Variants in CDYL2 observed in about 807,000 individuals in gnomAD.
The protein encoded by CDYL2 is chromodomain Y like 2, also known as chromodomain Y-like protein 2.
CDYL2 carries 23 observed loss-of-function variants against 49.4 expected under a neutral mutation model. The ratio of observed to expected loss-of-function variants is 0.47; its 90% CI spans 0.34 to 0.66. The LOEUF is 0.66. Among genes scored for constraint, CDYL2 ranks in the 30% least tolerant of loss-of-function variants. CDYL2 has a pLI of 0.01. For missense variants in CDYL2, 678 were observed against 656.4 expected (o/e 1.03, Z -0.36); for synonymous variants, 360 against 268.8 (o/e 1.34, Z -3.32).
chr16:80,633,275 G>C lies in CDYL2; in HGVS notation c.617-39C>G, dbSNP rs150863126. 3.0e-5 allele frequency: 48 copies of C among 1,585,450 alleles called. No homozygotes were observed. In the African/African-American group the frequency reaches 6.5e-4, roughly 21 times the overall value. On this transcript the variant is annotated intron_variant, in intron 2 of 6. Coordinates refer to ENST00000570137, the MANE Select transcript of CDYL2 (RefSeq NM_152342.4). The stretch of plus-strand genomic sequence containing the variant: ...ATAAACAATGTAAGAAACTGAAATG[G>C]ACCACGATCCTAGAAGGATGTGATC...
At chr16:80,688,432 G>A (rs1423789266) in intron 1 of CDYL2, among the ~76,000 whole-genome samples, 2 of 152,122 alleles carry the variant, frequency 1.3e-5, no homozygotes, top group African/African-American at 4.8e-5. Context: ...AAGAAAAACT[G>A]AAAGAATTAA....
At chr16:80,730,607 C>G (rs911113494) in intron 1 of CDYL2, among the ~76,000 whole-genome samples, 2 of 152,004 alleles carry the variant, frequency 1.3e-5, no homozygotes, top group African/African-American at 4.8e-5. Flanking sequence ...TTTTATGAGG[C>G]CAGCATCATC....
chr16:80,664,135 T>C (rs1489546600), intron 2 of CDYL2, among the ~76,000 whole-genome samples: 5 of 152,200 alleles, frequency 3.3e-5, no homozygotes, highest in Admixed American at 3.3e-4. Flanking sequence ...GCAACTCCCC[T>C]GCTCAAAAGT....
chr16:80,698,236 CA>C (rs1285492583), intron 1 of CDYL2, among the ~76,000 whole-genome samples: 1 of 152,024 alleles, frequency 6.6e-6, no homozygotes, highest in Non-Finnish European at 1.5e-5. Context: ...GCACAGGCAA[CA>C]AAAGCAAAAA....
chr16:80,780,943 A>G lies in CDYL2; in HGVS notation c.24+23207T>C, dbSNP rs1219246811. The stretch of plus-strand genomic sequence containing the variant: ...GGTATTTGTTCAAAAAAATGGCTCA[A>G]TCTCAGTAAGAACAGCAAGCTTTGT... On this transcript the variant is annotated intron_variant, in intron 1 of 6. Transcript: ENST00000570137. 3.9e-5 allele frequency among the ~76,000 whole-genome samples: 6 copies of G among 152,208 alleles called. No individual in the cohort carries two copies. In the South Asian group the frequency reaches 6.2e-4, roughly 16 times the overall value.
At chr16:80,669,344 C>A (rs1271639545) in intron 2 of CDYL2, among the ~76,000 whole-genome samples, 1 of 152,040 alleles carries the variant, frequency 6.6e-6, no homozygotes, top group Non-Finnish European at 1.5e-5. Context: ...ACTCAGAGGC[C>A]CCACGGACCA....
intron 1 of CDYL2, among the ~76,000 whole-genome samples, chr16:80,787,332 C>A (rs1015879372): frequency 6.6e-6 from 1 of 152,124 alleles, no homozygotes; most frequent in African/African-American, 2.4e-5. Context: ...GACTTTGGTT[C>A]AATTTATACT....
intron 1 of CDYL2, among the ~76,000 whole-genome samples, chr16:80,693,318 A>G (rs932593755): frequency 2.0e-5 from 3 of 152,214 alleles, no homozygotes; most frequent in Non-Finnish European, 2.9e-5. Context: ...CACACACAAA[A>G]CACATAGAAA....
intron 2 of CDYL2, among the ~76,000 whole-genome samples, chr16:80,682,990 C>G (rs1910029370): frequency 6.6e-6 from 1 of 152,198 alleles, no homozygotes; most frequent in Non-Finnish European, 1.5e-5. Flanking sequence ...AGAGGAGCCT[C>G]AACACGGATT....
intron 3 of CDYL2, among the ~76,000 whole-genome samples, chr16:80,625,700 A>C (rs1907269966): frequency 6.6e-6 from 1 of 152,248 alleles, no homozygotes; most frequent in African/African-American, 2.4e-5. Flanking sequence ...AAAACCTTAA[A>C]TACATCCAGA....
At chr16:80,643,698 T>A (rs1050570779) in intron 2 of CDYL2, among the ~76,000 whole-genome samples, 2 of 152,254 alleles carry the variant, frequency 1.3e-5, no homozygotes, top group Non-Finnish European at 2.9e-5. Context: ...TTGCACCCTC[T>A]GAAGCCATGG....
intron 1 of CDYL2, among the ~76,000 whole-genome samples, chr16:80,718,478 G>A (rs534838551): frequency 6.6e-6 from 1 of 152,288 alleles, no homozygotes; most frequent in African/African-American, 2.4e-5. Context: ...CTCACCCTAA[G>A]AGCCAAAAGT....
At chr16:80,780,006 G>C (rs998131521) in intron 1 of CDYL2, among the ~76,000 whole-genome samples, 1 of 152,128 alleles carries the variant, frequency 6.6e-6, no homozygotes, top group Non-Finnish European at 1.5e-5. Flanking sequence ...TAGTAGAGAA[G>C]ATGACACATG....
intron 1 of CDYL2, among the ~76,000 whole-genome samples, chr16:80,710,497 CGT>C (rs1436263080): frequency 2.6e-5 from 4 of 152,186 alleles, no homozygotes; most frequent in East Asian, 1.9e-4. Flanking sequence ...CGTGGATGTG[CGT>C]GTGTTTGTGT....
In CDYL2 at chr16:80,731,861, A is replaced by C. The variant is rs531078577; in HGVS notation, c.25-46732T>G. Among the ~76,000 whole-genome samples, 9 of 152,214 alleles carry C rather than the reference A, an allele frequency of 5.9e-5. No individual in the cohort carries two copies. In the South Asian group the frequency reaches 1.9e-3, roughly 32 times the overall value. On this transcript the variant is annotated intron_variant, in intron 1 of 6. Transcript: ENST00000570137. Reference sequence around the variant, plus strand: ...TGTGCTCCACCATAACAAGGATATAAATCAACAAAGAGCATACATGAAACC... The same window carrying C: ...TGTGCTCCACCATAACAAGGATATACATCAACAAAGAGCATACATGAAACC...
intron 1 of CDYL2, among the ~76,000 whole-genome samples, chr16:80,786,252 TAAAC>T: frequency 6.6e-6 from 1 of 152,118 alleles, no homozygotes; most frequent in South Asian, 2.1e-4. Flanking sequence ...ACAAAGAACT[TAAAC>T]AAATTTACAA....
At chr16:80,749,620 A>C (rs768913053) in intron 1 of CDYL2, among the ~76,000 whole-genome samples, 3 of 152,208 alleles carry the variant, frequency 2.0e-5, no homozygotes, top group Non-Finnish European at 2.9e-5. Context: ...AGGTAATCCA[A>C]ATTATCAGCT....
In CDYL2 at chr16:80,790,811, T is replaced by C. The variant is rs1032802115; in HGVS notation, c.24+13339A>G. Among the ~76,000 whole-genome samples the C allele has an allele frequency of 2.6e-5, 4 of 152,190 alleles. No homozygotes were observed. In the East Asian group the frequency reaches 5.8e-4, roughly 22 times the overall value. On this transcript the variant is annotated intron_variant, in intron 1 of 6. Transcript: ENST00000570137. Reference sequence around the variant, plus strand: ...AGGAGAGCTAAACAAGACTCAAGGCTGTGCTGAGCCTCCCTGCCGTCCTCT... The same window carrying C: ...AGGAGAGCTAAACAAGACTCAAGGCCGTGCTGAGCCTCCCTGCCGTCCTCT...
intron 1 of CDYL2, among the ~76,000 whole-genome samples, chr16:80,797,929 C>T (rs1907814846): frequency 6.6e-6 from 1 of 152,208 alleles, no homozygotes; most frequent in South Asian, 2.1e-4. Flanking sequence ...GTATCAACAG[C>T]ATTAAAAACG....
Sources: allele counts gnomAD v4.1 joint callset (sites outside exome capture counted in the v4.1 genomes callset), GRCh38; gene constraint gnomAD v4.1.1; transcripts MANE v1.5; gene names NCBI Gene and HGNC (gene_info 2026-07-23, HGNC 2026-07-21).